The following RARB variants were observed in gnomAD, a reference collection of about 807,000 sequenced individuals.
RARB encodes HBV-activated protein.
Under a neutral mutation model 51.9 loss-of-function variants are expected in RARB, and 17 were observed. The observed-to-expected ratio is 0.33, with a 90% CI of 0.22 to 0.49. The LOEUF (loss-of-function observed/expected upper bound fraction) is 0.49, where lower values mean the gene tolerates loss of function less well. Among genes scored for constraint, RARB ranks in the 20% least tolerant of loss-of-function variants. RARB has a pLI of 0.99. For synonymous variants in RARB, 215 were observed against 195.4 expected (o/e 1.10, Z -0.84); for missense variants, 369 against 550.8 (o/e 0.67, Z 3.30).
chr3:25,197,561 A>G (rs541169049), intron 5 of RARB, among the ~76,000 whole-genome samples: 1 of 152,164 alleles, frequency 6.6e-6, no homozygotes, highest in South Asian at 2.1e-4. Context: ...TCCACCAAAA[A>G]ACTATTAGAA....
chr3:25,052,523 T>C (rs1698352497), intron 2 of RARB, among the ~76,000 whole-genome samples: 2 of 152,228 alleles, frequency 1.3e-5, no homozygotes. Context: ...TAAGTAGATA[T>C]ATTTTCCTGT....
At chr3:25,479,702 A>C (rs1696135823) in intron 2 of RARB, among the ~76,000 whole-genome samples, 1 of 152,188 alleles carries the variant, frequency 6.6e-6, no homozygotes, top group African/African-American at 2.4e-5. Flanking sequence ...TTTCATTACC[A>C]CCTACCAAGG....
At chr3:25,294,812 G>A (rs909549739) in intron 5 of RARB, among the ~76,000 whole-genome samples, 2 of 150,772 alleles carry the variant, frequency 1.3e-5, no homozygotes, top group African/African-American at 2.5e-5. Flanking sequence ...AGGAGGAAGA[G>A]GGAGTGGAGG....
intron 3 of RARB, among the ~76,000 whole-genome samples, chr3:25,546,334 G>A (rs1699615126): frequency 6.6e-6 from 1 of 152,212 alleles, no homozygotes; most frequent in African/African-American, 2.4e-5. Flanking sequence ...CCAGGTGTCT[G>A]CTCCGTCGAG....
intron 5 of RARB, among the ~76,000 whole-genome samples, chr3:25,178,429 A>T (rs1328281109): frequency 6.6e-6 from 1 of 152,090 alleles, no homozygotes; most frequent in Non-Finnish European, 1.5e-5. Flanking sequence ...CTGCCATTCC[A>T]TTACAGAAGT....
intron 2 of RARB, among the ~76,000 whole-genome samples, chr3:25,010,046 G>A (rs1057505761): frequency 7.9e-5 from 12 of 152,038 alleles, no homozygotes; most frequent in Non-Finnish European, 1.5e-4. Context: ...TTGACTGATT[G>A]TTTATTATAA....
chr3:25,328,735 C>A (rs564465457), intron 5 of RARB, among the ~76,000 whole-genome samples: 2 of 152,146 alleles, frequency 1.3e-5, no homozygotes, highest in Admixed American at 1.3e-4. Flanking sequence ...CATCACTGCA[C>A]CCGGGAAGCA....
At chr3:25,275,855 A>G (rs1351114306) in intron 5 of RARB, among the ~76,000 whole-genome samples, 2 of 152,244 alleles carry the variant, frequency 1.3e-5, no homozygotes, top group Non-Finnish European at 1.5e-5. Context: ...GCACACCAAC[A>G]TGGTACATGT....
At chr3:25,019,634 C>T (rs1697585775) in intron 2 of RARB, among the ~76,000 whole-genome samples, 2 of 152,266 alleles carry the variant, frequency 1.3e-5, no homozygotes, top group South Asian at 4.1e-4. Flanking sequence ...TAGACAATAA[C>T]CAAACCTTGT....
intron 3 of RARB, among the ~76,000 whole-genome samples, chr3:25,524,828 C>G (rs1698574640): frequency 6.6e-6 from 1 of 152,088 alleles, no homozygotes; most frequent in Admixed American, 6.5e-5. Context: ...CTCCTGGGTT[C>G]AAGTGAGTCT....
chr3:25,508,268 ATTTATAC>A (rs1697709411), intron 3 of RARB, among the ~76,000 whole-genome samples: 1 of 152,172 alleles, frequency 6.6e-6, no homozygotes. Context: ...CTAAATTCCA[ATTTATAC>A]TTTAGACATG....
chr3:25,554,253 G>A (rs1011551519), intron 3 of RARB, among the ~76,000 whole-genome samples: 18 of 150,516 alleles, frequency 1.2e-4, no homozygotes. Context: ...AAAAAAACAT[G>A]AGGGGGTGAG....
chr3:25,191,766 T>C (rs1033916664), intron 5 of RARB, among the ~76,000 whole-genome samples: 28 of 152,090 alleles, frequency 1.8e-4, no homozygotes, highest in African/African-American at 5.8e-4. Context: ...TCAGTGGAGA[T>C]TAAAATATCT....
chr3:25,292,485 T>G (rs1703814209), intron 5 of RARB, among the ~76,000 whole-genome samples: 1 of 152,144 alleles, frequency 6.6e-6, no homozygotes, highest in Non-Finnish European at 1.5e-5. Context: ...GAAGAAGAGA[T>G]GGGGAAAAGC....
At position 24,836,694 on chromosome 3, in the gene RARB, T is replaced by C. The variant is rs185403916; in HGVS notation, c.-459+7291T>C. On this transcript the variant is annotated intron_variant, in intron 1 of 11. Transcript: ENST00000383772. ...ATAAATCAATAAATGAATGAGTAAA[T>C]GATTCTTGAGCGAGACAGGGAATAT... is the stretch of plus-strand genomic sequence containing the variant. Among the ~76,000 whole-genome samples, 41 of 152,132 alleles carry C rather than the reference T, an allele frequency of 2.7e-4. No individual in the cohort carries two copies. The East Asian group carries it at 6.8e-3, about 25-fold the overall frequency.
chr3:25,520,786 G>T (rs1698368634), intron 3 of RARB, among the ~76,000 whole-genome samples: 2 of 152,142 alleles, frequency 1.3e-5, no homozygotes, highest in South Asian at 4.1e-4. Flanking sequence ...TAACACTTAA[G>T]TCCAGCTCAT....
At chr3:25,156,516 C>CAAAAAAAAAAAAAAAAA (rs35710364) in intron 4 of RARB, among the ~76,000 whole-genome samples, 1 of 56,836 alleles carries the variant, frequency 1.8e-5, no homozygotes, top group Non-Finnish European at 3.0e-5. Flanking sequence ...GCCCCAACTG[C>CAAAAAAAAAAAAAAAAA]AAAAAAAAAA....
intron 5 of RARB, among the ~76,000 whole-genome samples, chr3:25,241,486 G>A (rs1356848185): frequency 6.6e-6 from 1 of 152,046 alleles, no homozygotes; most frequent in African/African-American, 2.4e-5. Flanking sequence ...CCCCCGGACA[G>A]GCCCGGGTGT....
intron 3 of RARB, among the ~76,000 whole-genome samples, chr3:25,110,472 G>C (rs1161164065): frequency 6.6e-6 from 1 of 152,086 alleles, no homozygotes; most frequent in Non-Finnish European, 1.5e-5. Context: ...ACTTTTTCCT[G>C]CATTTCAGAA....
Sources: allele counts gnomAD v4.1 joint callset (sites outside exome capture counted in the v4.1 genomes callset), GRCh38; gene constraint gnomAD v4.1.1; transcripts MANE v1.5; gene names NCBI Gene and HGNC (gene_info 2026-07-23, HGNC 2026-07-21).